The following SLC4A10 variants were observed in gnomAD, a reference collection of about 807,000 sequenced individuals.
The protein encoded by SLC4A10 is sodium-driven chloride bicarbonate exchanger.
A neutral mutation model predicts 137.7 loss-of-function variants in SLC4A10; 42 were observed. The ratio of observed to expected loss-of-function variants is 0.30; its 90% CI spans 0.24 to 0.39. SLC4A10 has a LOEUF of 0.39. SLC4A10 is among the 10% of genes least tolerant of loss of function. The pLI is 1.00. For missense variants in SLC4A10, 925 were observed against 1,355.0 expected (o/e 0.68, Z 4.98); for synonymous variants, 474 against 464.1 (o/e 1.02, Z -0.27).
At chr2:161,928,265 C>T (rs1418802524) in intron 15 of SLC4A10, among the ~76,000 whole-genome samples, 1 of 149,282 alleles carries the variant, frequency 6.7e-6, no homozygotes, top group East Asian at 2.0e-4. Flanking sequence ...AGTAAACTAT[C>T]GCAAGAACAA....
At chr2:161,841,156 C>A (rs562498217) in intron 4 of SLC4A10, among the ~76,000 whole-genome samples, 29 of 152,138 alleles carry the variant, frequency 1.9e-4, no homozygotes, top group Non-Finnish European at 3.4e-4. Flanking sequence ...TGGCTCATTG[C>A]AACCTCTGCC....
intron 3 of SLC4A10, among the ~76,000 whole-genome samples, chr2:161,817,508 G>T (rs1418918989): frequency 1.3e-5 from 2 of 151,974 alleles, no homozygotes; most frequent in African/African-American, 2.4e-5. Context: ...GTCAATTTTG[G>T]CTTTTGTTGC....
chr2:161,813,051 A>AT (rs940713173), intron 3 of SLC4A10, among the ~76,000 whole-genome samples: 5 of 150,782 alleles, frequency 3.3e-5, no homozygotes, highest in South Asian at 2.1e-4. Flanking sequence ...AATACTTTTT[A>AT]TTTTTTTCTG....
intron 1 of SLC4A10, among the ~76,000 whole-genome samples, chr2:161,738,846 C>G (rs1267482300): frequency 6.6e-6 from 1 of 152,120 alleles, no homozygotes; most frequent in Admixed American, 6.6e-5. Context: ...AAATGCCTCC[C>G]TCTTAGTCCA....
intron 15 of SLC4A10, among the ~76,000 whole-genome samples, chr2:161,922,740 A>G (rs1210387425): frequency 6.6e-6 from 1 of 152,122 alleles, no homozygotes. Flanking sequence ...CTGTAGTGTG[A>G]TTTTATTATC....
intron 12 of SLC4A10, among the ~76,000 whole-genome samples, chr2:161,903,226 G>A (rs1341578575): frequency 1.3e-5 from 2 of 152,158 alleles, no homozygotes; most frequent in Admixed American, 1.3e-4. Flanking sequence ...ACATGGTTTT[G>A]AATATATTTG....
At chr2:161,747,119 C>T (rs1559158444) in intron 1 of SLC4A10, among the ~76,000 whole-genome samples, 2 of 152,134 alleles carry the variant, frequency 1.3e-5, no homozygotes, top group Admixed American at 6.5e-5. Flanking sequence ...CCCAGCACAG[C>T]ACCAGGACTT....
chr2:161,804,583 T>A lies in SLC4A10; in HGVS notation c.265T>A (p.Ser89Thr), dbSNP rs1480081907. The A allele has an allele frequency of 6.2e-7, 1 of 1,609,360 alleles. No homozygotes were observed. Among genetic ancestry groups the A allele is most frequent in the Admixed American group, 1.7e-5 (1 of 59,300 alleles). ...TTCAGGATTAGAGGATGGAAGGGAG[T>A]CACCTTCTTTTGGTAAGAATCCTTC... ...RDSGLEDGRE[S>T]PSFDTPSQRV... The change falls in exon 3 of 27, where the codon TCA becomes ACA. Residue 89 changes from serine (S) to threonine (T), a missense_variant. By Grantham distance (58) the Ser-to-Thr change is moderately conservative (BLOSUM62 1). Coordinates refer to ENST00000446997, the MANE Select transcript of SLC4A10 (RefSeq NM_001178015.2).
At chr2:161,814,340 T>G (rs758132375) in intron 3 of SLC4A10, among the ~76,000 whole-genome samples, 1 of 152,124 alleles carries the variant, frequency 6.6e-6, no homozygotes, top group Non-Finnish European at 1.5e-5. Flanking sequence ...GAATATAAAT[T>G]GGTTCAGCCA....
intron 10 of SLC4A10, among the ~76,000 whole-genome samples, chr2:161,884,519 C>T (rs1445900358): frequency 1.3e-5 from 2 of 152,158 alleles, no homozygotes; most frequent in African/African-American, 4.8e-5. Flanking sequence ...GAAGGGGCTT[C>T]CACCTATTTC....
At chr2:161,786,185 CT>C (rs199894869) in intron 2 of SLC4A10, among the ~76,000 whole-genome samples, 18 of 151,100 alleles carry the variant, frequency 1.2e-4, no homozygotes, top group South Asian at 1.1e-3. Flanking sequence ...TATTCTTTGT[CT>C]TTTTTTTAAC....
At chr2:161,660,830 T>TA (rs1462706907) in intron 1 of SLC4A10, among the ~76,000 whole-genome samples, 4 of 150,112 alleles carry the variant, frequency 2.7e-5, no homozygotes, top group East Asian at 2.0e-4. Flanking sequence ...ATTTTTTTTT[T>TA]ATTTTTATTT....
intron 1 of SLC4A10, among the ~76,000 whole-genome samples, chr2:161,722,463 T>A (rs1192678646): frequency 1.3e-5 from 2 of 152,202 alleles, no homozygotes; most frequent in Non-Finnish European, 2.9e-5. Context: ...TGCTGTGGTT[T>A]GCTGGGGGTC....
intron 1 of SLC4A10, among the ~76,000 whole-genome samples, chr2:161,698,207 G>A (rs950618925): frequency 2.0e-5 from 3 of 152,184 alleles, no homozygotes. Flanking sequence ...GAGATTTTGG[G>A]CTGAGATCAT....
intron 4 of SLC4A10, among the ~76,000 whole-genome samples, chr2:161,848,085 G>C (rs1241507944): frequency 6.6e-6 from 1 of 152,118 alleles, no homozygotes; most frequent in Admixed American, 6.6e-5. Context: ...GTGTGTGATG[G>C]TAACTCATTG....
At chr2:161,762,417 C>T (rs1219172007) in intron 1 of SLC4A10, among the ~76,000 whole-genome samples, 2 of 152,036 alleles carry the variant, frequency 1.3e-5, no homozygotes, top group Non-Finnish European at 2.9e-5. Flanking sequence ...AGCTGATACT[C>T]GTTTATATAT....
chr2:161,734,896 A>C (rs2125206620), intron 1 of SLC4A10, among the ~76,000 whole-genome samples: 2 of 152,122 alleles, frequency 1.3e-5, no homozygotes, highest in East Asian at 1.9e-4. Flanking sequence ...GTGGTTTCCC[A>C]CATACTCTTC....
intron 1 of SLC4A10, among the ~76,000 whole-genome samples, chr2:161,708,182 T>C (rs1351404401): frequency 4.6e-5 from 7 of 150,850 alleles, no homozygotes; most frequent in African/African-American, 1.7e-4. Context: ...TAAAAATCCT[T>C]TTTAGGCACT....
At chr2:161,934,219 G>A (rs1320462596) in intron 15 of SLC4A10, among the ~76,000 whole-genome samples, 1 of 152,002 alleles carries the variant, frequency 6.6e-6, no homozygotes, top group Non-Finnish European at 1.5e-5. Context: ...ATTGTTGACT[G>A]TAGTCACCCT....
Sources: allele counts gnomAD v4.1 joint callset (sites outside exome capture counted in the v4.1 genomes callset), GRCh38; gene constraint gnomAD v4.1.1; transcripts MANE v1.5; gene names NCBI Gene and HGNC (gene_info 2026-07-23, HGNC 2026-07-21).